RPAP2: variants seen among roughly 807,000 people sequenced by gnomAD.
RPAP2 encodes RNA polymerase II associated protein 2, also known as putative RNA polymerase II subunit B1 CTD phosphatase RPAP2.
In RPAP2, 52 loss-of-function variants were observed where a neutral mutation model predicts 73.1. The ratio of observed to expected loss-of-function variants is 0.71; its 90% CI spans 0.57 to 0.90. RPAP2 has a LOEUF of 0.90. Among genes scored for constraint, RPAP2 ranks in the 40% least tolerant of loss-of-function variants. RPAP2 has a pLI of 0.00. For missense variants in RPAP2, 598 were observed against 701.8 expected (o/e 0.85, Z 1.67); for synonymous variants, 225 against 242.1 (o/e 0.93, Z 0.65).
chr1:92,377,616 G>T (rs774399368), intron 11 of RPAP2, among the ~76,000 whole-genome samples: 1 of 151,226 alleles, frequency 6.6e-6, no homozygotes, highest in South Asian at 2.1e-4. Flanking sequence ...TCAAGAGCCA[G>T]CCCTGAACAG....
At chr1:92,330,392 T>C (rs1338773639) in intron 8 of RPAP2, among the ~76,000 whole-genome samples, 5 of 151,548 alleles carry the variant, frequency 3.3e-5, no homozygotes, top group Non-Finnish European at 5.9e-5. Flanking sequence ...GTTTAGAAGA[T>C]CACTCATTGA....
rs563216903 is a variant in RPAP2 at position 92,304,095 on chromosome 1, T to A, written c.333+20T>A. On this transcript the variant is annotated intron_variant, in intron 4 of 12. Transcript: ENST00000610020. ...GGAATTGTAAGTAACTCATTTTTTT[T>A]AAAATATAGGCTTTTATTATTTTCA... The A allele has an allele frequency of 1.0e-3, 1,545 of 1,505,030 alleles. 1 individual carries two copies. The highest frequency in any genetic ancestry group is 1.2e-3 in the Non-Finnish European group (1,324 of 1,092,596). The allele number at this position is 1,505,030 out of a possible 1,614,324, so 93.2% of individuals were successfully genotyped here.
chr1:92,380,956 T>TA, intron 12 of RPAP2, 83 bp downstream of exon 12: 1 of 1,268,484 alleles, frequency 7.9e-7, no homozygotes, highest in Non-Finnish European at 1.1e-6. Flanking sequence ...TTGGAAATTG[T>TA]AAAAACCAAG....
chr1:92,322,157 G>A (rs1004770028), intron 7 of RPAP2, among the ~76,000 whole-genome samples: 10 of 151,378 alleles, frequency 6.6e-5, no homozygotes, highest in African/African-American at 2.4e-4. Flanking sequence ...TGTTGGCCAG[G>A]CTGGTCTTGA....
Position 92,299,132 on chromosome 1 carries a change from C to T in RPAP2, c.59C>T (p.Ser20Phe), listed in dbSNP as rs1016464166. The T allele has an allele frequency of 6.6e-7, 1 of 1,519,534 alleles. No individual in the cohort carries two copies. The highest frequency in any genetic ancestry group is 8.9e-7 in the Non-Finnish European group (1 of 1,129,922). The allele number at this position is 1,519,534 out of a possible 1,614,324, so 94.1% of individuals were successfully genotyped here. ...AGRKAGAPRC[S>F]RKAAGTKQTS... ...CGCAAGGCCGGGGCTCCCCGCTGCT[C>T]TCGAAAAGCCGCAGGTAGGAGCAAG... The change falls in exon 1 of 13, where the codon TCT (serine) becomes TTT (phenylalanine). Residue 20 changes from serine (S) to phenylalanine (F), a missense_variant. Physicochemically the swap from Ser to Phe is radical, Grantham distance 155. This residue lies in a region of RPAP2 where 77 missense variants were observed against 55.7 expected (regional missense o/e 1.38). Transcript: ENST00000610020.
chr1:92,358,026 A>C (rs193029694), intron 11 of RPAP2, among the ~76,000 whole-genome samples: 54 of 152,338 alleles, frequency 3.5e-4, no homozygotes, highest in African/African-American at 1.3e-3. Context: ...TCCTGGGTTC[A>C]AGTGATCCTC....
intron 5 of RPAP2, among the ~76,000 whole-genome samples, chr1:92,306,084 T>G (rs12095506): frequency 6.6e-6 from 1 of 152,220 alleles, no homozygotes; most frequent in African/African-American, 2.4e-5. Context: ...ACAAGGTGGA[T>G]GAACCTTGAA....
rs190988644 is a variant in RPAP2 at position 92,352,323 on chromosome 1, C to A, written c.1688+6409C>A. Among the ~76,000 whole-genome samples, 265 of 152,268 alleles carry A rather than the reference C, an allele frequency of 1.7e-3. 1 individual carries two copies. Among genetic ancestry groups the A allele is most frequent in the African/African-American group, 6.2e-3 (259 of 41,546 alleles). On this transcript the variant is annotated intron_variant, in intron 11 of 12. Coordinates refer to ENST00000610020, the MANE Select transcript of RPAP2 (RefSeq NM_024813.3). ...TTGACCATGATCGCTAAACAAAAGCCATCACTGGACATAGGCAGCCACTTT... is the reference window on the plus strand; with the variant it reads ...TTGACCATGATCGCTAAACAAAAGCAATCACTGGACATAGGCAGCCACTTT...
chr1:92,300,037 A>G (rs975690884), intron 1 of RPAP2, among the ~76,000 whole-genome samples, 157 bp from the exon 2 acceptor site: 1 of 152,254 alleles, frequency 6.6e-6, no homozygotes, highest in African/African-American at 2.4e-5. Context: ...CCTGCACAGC[A>G]TGTTACTGTA....
chr1:92,363,266 T>C (rs1448335140), intron 11 of RPAP2, among the ~76,000 whole-genome samples: 1 of 151,998 alleles, frequency 6.6e-6, no homozygotes, highest in Admixed American at 6.6e-5. Flanking sequence ...GCATACGGTA[T>C]GGAGAAGGAG....
In RPAP2 at chr1:92,333,477, A is replaced by G. The variant is rs753383350; in HGVS notation, c.1538+4A>G. ...TACTTGAAAAGTTGAGTAAAGTGTAAGTATGTAATTGCCATTCCAGCTTTG... is the reference window on the plus strand; with the variant it reads ...TACTTGAAAAGTTGAGTAAAGTGTAGGTATGTAATTGCCATTCCAGCTTTG... On this transcript the variant is annotated splice_donor_region_variant and intron_variant, in intron 9 of 12. Coordinates refer to ENST00000610020, the MANE Select transcript of RPAP2 (RefSeq NM_024813.3). 6.2e-7 allele frequency: 1 copy of G among 1,602,654 alleles called. No homozygotes were observed. The highest frequency in any genetic ancestry group is 8.5e-7 in the Non-Finnish European group (1 of 1,169,772).
At chr1:92,345,744 G>A in intron 10 of RPAP2, 102 bp from the exon 11 acceptor site, 2 of 676,208 alleles carry the variant, frequency 3.0e-6, no homozygotes, top group East Asian at 2.7e-5. Flanking sequence ...TTAAAAAAAA[G>A]TGCTTCTTTG....
chr1:92,360,135 T>TCAGA (rs549606040), intron 11 of RPAP2, among the ~76,000 whole-genome samples: 82 of 152,338 alleles, frequency 5.4e-4, no homozygotes, highest in Middle Eastern at 3.4e-3. Context: ...GCAGTGTGCC[T>TCAGA]CAGACAGGTA....
intron 8 of RPAP2, among the ~76,000 whole-genome samples, chr1:92,331,630 A>C (rs890824979): frequency 4.6e-5 from 7 of 152,044 alleles, no homozygotes; most frequent in African/African-American, 1.2e-4. Context: ...ATCCCTCTTG[A>C]CTTATGTTCT....
At position 92,300,258 on chromosome 1, in the gene RPAP2, C is replaced by T. The variant is rs772755605; in HGVS notation, c.119+19C>T. The T allele has an allele frequency of 1.1e-5, 18 of 1,586,238 alleles. No homozygotes were observed. Among genetic ancestry groups the T allele is most frequent in the Middle Eastern group, 1.7e-4 (1 of 5,978 alleles). ...CTAAAAGGTATGACAGCTACATGGA[C>T]AACTACATTGGCATATCTACTTATC... On this transcript the variant is annotated intron_variant, in intron 2 of 12. Transcript: ENST00000610020.
chr1:92,365,647 G>T (rs1015451216), intron 11 of RPAP2, among the ~76,000 whole-genome samples: 1 of 152,198 alleles, frequency 6.6e-6, no homozygotes, highest in African/African-American at 2.4e-5. Flanking sequence ...AGTTTGAAAG[G>T]TTCCTCTTGA....
intron 6 of RPAP2, among the ~76,000 whole-genome samples, chr1:92,308,565 A>T (rs1571026822): frequency 6.6e-6 from 1 of 152,156 alleles, no homozygotes; most frequent in Non-Finnish European, 1.5e-5. Flanking sequence ...TGCCACCCTC[A>T]TATCTACCTC....
intron 11 of RPAP2, among the ~76,000 whole-genome samples, chr1:92,367,597 A>G (rs1309361462): frequency 2.0e-5 from 3 of 152,120 alleles, no homozygotes; most frequent in Admixed American, 2.0e-4. Flanking sequence ...CATCACCTTT[A>G]TGCATGGTAA....
Position 92,305,450 on chromosome 1 carries a change from A to AAAAAAAAAC in RPAP2, c.399+1102_399+1103insAAAAAAACA, listed in dbSNP as rs1202528088. 1.8e-3 allele frequency among the ~76,000 whole-genome samples: 261 copies of AAAAAAAAAC among 141,894 alleles called. 19 individuals carry two copies. Among genetic ancestry groups the AAAAAAAAAC allele is most frequent in the African/African-American group, 7.2e-3 (245 of 33,822 alleles). 93.1% of individuals were successfully genotyped at this position (141,894 alleles called of 152,430 possible). A position where few individuals can be genotyped will look rare whatever the true frequency, so the allele number is the denominator to read the frequency against. Reference sequence around the variant, plus strand: ...TCCGTCTCAAAAAAAAAAAAAAAAAAAGACAATATGGGAAGATATAAACTT... The same window carrying AAAAAAAAAC: ...TCCGTCTCAAAAAAAAAAAAAAAAAAAAAAAAAACAGACAATATGGGAAGATATAAACTT... On this transcript the variant is annotated intron_variant, in intron 5 of 12. Transcript: ENST00000610020.
Sources: gnomAD v4.1 joint callset for allele counts (sites outside exome capture counted in the v4.1 genomes callset) on GRCh38, gnomAD v4.1.1 for gene constraint, gnomAD v4.1.1 regional missense constraint, MANE v1.5 for transcripts, NCBI Gene and HGNC (gene_info 2026-07-23, HGNC 2026-07-21) for gene names.